The following NEGR1 variants were observed in gnomAD, a reference collection of about 807,000 sequenced individuals.
NEGR1 encodes IgLON family member 4.
A neutral mutation model predicts 40.9 loss-of-function variants in NEGR1; 10 were observed. The observed-to-expected ratio is 0.24, with a 90% CI of 0.15 to 0.42. The LOEUF is 0.42. Ranked by LOEUF, NEGR1 falls within the 10% of genes least tolerant of loss-of-function variation. NEGR1 has a pLI of 1.00. For synonymous variants in NEGR1, 185 were observed against 166.8 expected (o/e 1.11, Z -0.84); for missense variants, 352 against 438.9 (o/e 0.80, Z 1.77).
intron 2 of NEGR1, among the ~76,000 whole-genome samples, chr1:71,777,432 G>A (rs2101719632): frequency 6.6e-6 from 1 of 152,120 alleles, no homozygotes; most frequent in African/African-American, 2.4e-5. Flanking sequence ...CTTTTCCTAT[G>A]CCTTAAAATT....
At chr1:72,202,969 GA>G (rs151244027) in intron 1 of NEGR1, among the ~76,000 whole-genome samples, 1 of 150,940 alleles carries the variant, frequency 6.6e-6, no homozygotes, top group Admixed American at 6.6e-5. Context: ...CTACTTCTCA[GA>G]AAAAAAAATC....
chr1:71,861,757 C>A (rs1466619565), intron 2 of NEGR1, among the ~76,000 whole-genome samples: 1 of 152,070 alleles, frequency 6.6e-6, no homozygotes, highest in Non-Finnish European at 1.5e-5. Flanking sequence ...ATAATGCAGT[C>A]ACATTAATTC....
At chr1:72,198,184 T>C (rs1162699944) in intron 1 of NEGR1, among the ~76,000 whole-genome samples, 1 of 152,088 alleles carries the variant, frequency 6.6e-6, no homozygotes, top group African/African-American at 2.4e-5. Flanking sequence ...TCTAGCCTCC[T>C]TGATAGCTAG....
At chr1:71,586,567 T>C (rs10218505) in intron 6 of NEGR1, among the ~76,000 whole-genome samples, 2,059 of 152,238 alleles carry the variant, frequency 0.014, 51 homozygotes, top group African/African-American at 0.047. Context: ...AAAGCTCCGC[T>C]AACTGATATG....
intron 6 of NEGR1, among the ~76,000 whole-genome samples, chr1:71,450,588 CTT>C (rs1193995252): frequency 6.6e-6 from 1 of 151,754 alleles, no homozygotes; most frequent in Non-Finnish European, 1.5e-5. Context: ...GGGCAGATCT[CTT>C]GAGGTCAGGA....
intron 1 of NEGR1, among the ~76,000 whole-genome samples, chr1:72,215,444 G>T (rs1653764671): frequency 6.6e-6 from 1 of 151,814 alleles, no homozygotes; most frequent in Admixed American, 6.6e-5. Context: ...CAGATTGGGA[G>T]AAAATTTTTG....
At chr1:71,411,890 A>C (rs1401737206) in intron 6 of NEGR1, among the ~76,000 whole-genome samples, 7 of 152,082 alleles carry the variant, frequency 4.6e-5, no homozygotes, top group Admixed American at 3.9e-4. Context: ...AGTCCCAGCT[A>C]CTCAGGAAGC....
At chr1:71,688,329 G>GATAT (rs1218984026) in intron 4 of NEGR1, among the ~76,000 whole-genome samples, 2 of 68,466 alleles carry the variant, frequency 2.9e-5, no homozygotes, top group Non-Finnish European at 5.2e-5. Context: ...TATATATATA[G>GATAT]ATAGATAGAT....
intron 2 of NEGR1, among the ~76,000 whole-genome samples, chr1:71,785,556 C>A (rs1184515052): frequency 6.6e-6 from 1 of 152,068 alleles, no homozygotes; most frequent in Non-Finnish European, 1.5e-5. Flanking sequence ...AAAGCAAGTA[C>A]CTTCTTTCAG....
At chr1:71,784,542 C>T (rs1305487775) in intron 2 of NEGR1, among the ~76,000 whole-genome samples, 3 of 152,098 alleles carry the variant, frequency 2.0e-5, no homozygotes, top group Non-Finnish European at 2.9e-5. Flanking sequence ...CCATCGTGTT[C>T]TTTTCCCTTG....
chr1:71,776,109 G>C, intron 3 of NEGR1, 63 bp downstream of exon 3: 1 of 1,286,578 alleles, frequency 7.8e-7, no homozygotes, highest in Non-Finnish European at 1.0e-6. Flanking sequence ...GAACAAGTGA[G>C]GTTAGTGAGG....
chr1:71,793,345 G>A (rs1369983564), intron 2 of NEGR1, among the ~76,000 whole-genome samples: 1 of 53,010 alleles, frequency 1.9e-5, no homozygotes, highest in Admixed American at 1.6e-4. Flanking sequence ...TCCCGACCTT[G>A]TGATCTGCCC....
At chr1:71,466,752 G>A (rs559204957) in intron 6 of NEGR1, among the ~76,000 whole-genome samples, 1 of 152,178 alleles carries the variant, frequency 6.6e-6, no homozygotes, top group East Asian at 1.9e-4. Context: ...GTAAGCAAGG[G>A]TTTTGAAAAA....
chr1:71,940,129 T>C (rs1194970556), intron 1 of NEGR1, among the ~76,000 whole-genome samples: 1 of 152,110 alleles, frequency 6.6e-6, no homozygotes, highest in Non-Finnish European at 1.5e-5. Flanking sequence ...AAGTAACAGT[T>C]CTCTGGTCAC....
chr1:72,139,738 G>GAGT (rs1336418124), intron 1 of NEGR1, among the ~76,000 whole-genome samples: 1 of 151,900 alleles, frequency 6.6e-6, no homozygotes, highest in Non-Finnish European at 1.5e-5. Flanking sequence ...AGGGATGAAA[G>GAGT]AGTGAAATTA....
intron 3 of NEGR1, among the ~76,000 whole-genome samples, chr1:71,770,444 ATTTTACTATAAAGCAG>A (rs1656277325): frequency 6.6e-6 from 1 of 152,206 alleles, no homozygotes; most frequent in South Asian, 2.1e-4. Flanking sequence ...GTCTTTGATA[ATTTTACTATAAAGCAG>A]TTAAGTAAAG....
chr1:71,680,494 C>G (rs922554053), intron 4 of NEGR1, among the ~76,000 whole-genome samples: 14 of 152,048 alleles, frequency 9.2e-5, no homozygotes, highest in Admixed American at 2.6e-4. Context: ...CACAAGATGC[C>G]ACAGATAAAC....
At chr1:72,274,989 T>C in intron 1 of NEGR1, 1 of 1,537,138 alleles carries the variant, frequency 6.5e-7, no homozygotes, top group Non-Finnish European at 9.0e-7. Context: ...CCATAGTTAG[T>C]ACGACTGTGG....
chr1:71,880,091 A>G (rs575372766), intron 2 of NEGR1, among the ~76,000 whole-genome samples: 1 of 152,244 alleles, frequency 6.6e-6, no homozygotes, highest in South Asian at 2.1e-4. Flanking sequence ...TAATATTTTC[A>G]GAAGTATGTT....
Sources: allele counts gnomAD v4.1 joint callset (sites outside exome capture counted in the v4.1 genomes callset), GRCh38; gene constraint gnomAD v4.1.1; transcripts MANE v1.5; gene names NCBI Gene and HGNC (gene_info 2026-07-23, HGNC 2026-07-21).